Variants in GRM7 observed in about 807,000 individuals in gnomAD.
GRM7 encodes glutamate metabotropic receptor 7.
A neutral mutation model predicts 84.5 loss-of-function variants in GRM7; 35 were observed. The ratio of observed to expected loss-of-function variants is 0.41; its 90% CI spans 0.32 to 0.55. GRM7 has a LOEUF of 0.55. Ranked by LOEUF, GRM7 falls within the 20% of genes least tolerant of loss-of-function variation. The pLI is 0.19. For synonymous variants in GRM7, 487 were observed against 455.1 expected, an observed-to-expected ratio of 1.07 and a Z score of -0.89; for missense variants, 1,003 against 1,194.6, an observed-to-expected ratio of 0.84 and a Z score of 2.36.
At chr3:7,012,012 G>T (rs1357031716) in intron 1 of GRM7, among the ~76,000 whole-genome samples, 1 of 151,060 alleles carries the variant, frequency 6.6e-6, no homozygotes, top group Non-Finnish European at 1.5e-5. Context: ...CTCAGAAACA[G>T]GTTAAACTGC....
intron 2 of GRM7, among the ~76,000 whole-genome samples, chr3:7,228,284 A>G (rs1697048439): frequency 6.6e-6 from 1 of 152,196 alleles, no homozygotes; most frequent in Non-Finnish European, 1.5e-5. Context: ...AGATATGTTT[A>G]AGGTAAACGG....
At chr3:6,933,695 A>C (rs1356319179) in intron 1 of GRM7, among the ~76,000 whole-genome samples, 1 of 152,062 alleles carries the variant, frequency 6.6e-6, no homozygotes, top group African/African-American at 2.4e-5. Context: ...CTTGTTTTGT[A>C]ATCAGGCCAC....
intron 1 of GRM7, among the ~76,000 whole-genome samples, chr3:7,062,783 AT>A (rs2124971732): frequency 6.6e-6 from 1 of 151,916 alleles, no homozygotes; most frequent in East Asian, 1.9e-4. Flanking sequence ...ACACTTAAAA[AT>A]TTGGGCGATT....
At chr3:7,078,082 C>T (rs1698155499) in intron 1 of GRM7, among the ~76,000 whole-genome samples, 1 of 152,152 alleles carries the variant, frequency 6.6e-6, no homozygotes, top group South Asian at 2.1e-4. Context: ...TTCAGTGCTG[C>T]CTGCAGGCCA....
intron 7 of GRM7, among the ~76,000 whole-genome samples, chr3:7,476,375 G>A (rs142274056): frequency 1.5e-4 from 23 of 152,106 alleles, no homozygotes; most frequent in East Asian, 5.8e-4. Flanking sequence ...ATGAAAACCC[G>A]TCTCTACTAA....
chr3:7,187,200 AACACACAC>A (rs5846494), intron 2 of GRM7, among the ~76,000 whole-genome samples: 1 of 150,552 alleles, frequency 6.6e-6, no homozygotes, highest in African/African-American at 2.4e-5. Context: ...AGGAAGTGAG[AACACACAC>A]ACACACACAC....
At chr3:7,021,848 A>C (rs1315873304) in intron 1 of GRM7, among the ~76,000 whole-genome samples, 3 of 152,134 alleles carry the variant, frequency 2.0e-5, no homozygotes, top group Non-Finnish European at 4.4e-5. Flanking sequence ...ATTCATATAA[A>C]ATAAGATTTA....
intron 4 of GRM7, among the ~76,000 whole-genome samples, chr3:7,410,021 A>C (rs922295041): frequency 3.3e-5 from 5 of 152,144 alleles, no homozygotes; most frequent in Admixed American, 2.0e-4. Context: ...AGAGAGATGC[A>C]TTTCTCAGTG....
chr3:6,951,903 A>T (rs952162781), intron 1 of GRM7, among the ~76,000 whole-genome samples: 1 of 152,156 alleles, frequency 6.6e-6, no homozygotes, highest in Admixed American at 6.5e-5. Flanking sequence ...GAGAACTATT[A>T]TGTCCTCTTG....
At chr3:7,452,552 G>A in intron 5 of GRM7, 55 bp from the exon 6 acceptor site, 1 of 1,176,192 alleles carries the variant, frequency 8.5e-7, no homozygotes, top group South Asian at 1.3e-5. Context: ...TCTACTCAAT[G>A]CCAATTTGTG....
intron 8 of GRM7, among the ~76,000 whole-genome samples, chr3:7,650,211 G>A (rs911014434): frequency 2.0e-5 from 3 of 150,566 alleles, no homozygotes; most frequent in Non-Finnish European, 4.5e-5. Context: ...CTTGCTATAA[G>A]CCCATGAGCT....
At chr3:7,362,282 A>G (rs1693697019) in intron 4 of GRM7, among the ~76,000 whole-genome samples, 1 of 152,076 alleles carries the variant, frequency 6.6e-6, no homozygotes, top group Non-Finnish European at 1.5e-5. Context: ...TAGTGTGAAC[A>G]TTTTGAAACA....
At chr3:7,731,137 C>T (rs1223484735) in intron 9 of GRM7, among the ~76,000 whole-genome samples, 1 of 150,446 alleles carries the variant, frequency 6.6e-6, no homozygotes, top group Admixed American at 6.6e-5. Flanking sequence ...CATGACAGAA[C>T]TGAAAATTGA....
At chr3:7,246,764 C>T (rs1216628542) in intron 2 of GRM7, among the ~76,000 whole-genome samples, 1 of 152,066 alleles carries the variant, frequency 6.6e-6, no homozygotes, top group Admixed American at 6.6e-5. Context: ...AATCTCCAGT[C>T]AAACTTCCAT....
intron 2 of GRM7, among the ~76,000 whole-genome samples, chr3:7,150,367 T>C (rs1393960200): frequency 6.6e-6 from 1 of 152,134 alleles, no homozygotes; most frequent in Non-Finnish European, 1.5e-5. Flanking sequence ...TAAGCGCCTC[T>C]TCATTATTTA....
At chr3:7,198,931 A>T (rs977749820) in intron 2 of GRM7, among the ~76,000 whole-genome samples, 1 of 152,208 alleles carries the variant, frequency 6.6e-6, no homozygotes, top group Non-Finnish European at 1.5e-5. Flanking sequence ...AGAAAAAATG[A>T]TTTCCATGAT....
intron 2 of GRM7, among the ~76,000 whole-genome samples, chr3:7,170,431 T>C (rs1694946689): frequency 6.6e-6 from 1 of 152,124 alleles, no homozygotes; most frequent in Non-Finnish European, 1.5e-5. Flanking sequence ...ATTGTGCCAA[T>C]ATTGATGCCA....
intron 2 of GRM7, among the ~76,000 whole-genome samples, chr3:7,162,867 C>G (rs1361814305): frequency 6.8e-6 from 1 of 146,614 alleles, no homozygotes; most frequent in Non-Finnish European, 1.5e-5. Context: ...TCAAGCGATT[C>G]TCCTACCTCA....
chr3:7,514,107 A>C (rs1700298709), intron 7 of GRM7, among the ~76,000 whole-genome samples: 1 of 152,216 alleles, frequency 6.6e-6, no homozygotes, highest in African/African-American at 2.4e-5. Context: ...ATGAGAATGA[A>C]CCTTCCAGAA....
Sources: gnomAD v4.1 joint callset for allele counts (sites outside exome capture counted in the v4.1 genomes callset) on GRCh38, gnomAD v4.1.1 for gene constraint, MANE v1.5 for transcripts, NCBI Gene and HGNC (gene_info 2026-07-23, HGNC 2026-07-21) for gene names.